The following GGN variants were observed in gnomAD, a reference collection of about 807,000 sequenced individuals.
GGN encodes gametogenetin.
In GGN, 27 loss-of-function variants were observed where a neutral mutation model predicts 35.5. That is an observed-to-expected ratio of 0.76 (90% CI 0.56 to 1.05). GGN has a LOEUF of 1.05. GGN is among the 50% of genes least tolerant of loss of function. GGN has a pLI of 0.00. For synonymous variants in GGN, 425 were observed against 444.1 expected (o/e 0.96, Z 0.54); for missense variants, 1,006 against 940.7 (o/e 1.07, Z -0.91).
Position 38,384,428 on chromosome 19 carries a change from G to T in GGN, c.1943C>A (p.Ala648Asp). ...CGACTACACTCAGTTGGAATGGGTG[G>T]CCTGCAAGTCGTAGTGCTCCAGCTT... ...VAKLEHYDLQ[A>D]THSN is the part of the protein sequence containing the mutation. The change falls in exon 4 of 4, where the codon GCC becomes GAC. Residue 648 changes from alanine to aspartate, a missense_variant. Physicochemically the swap from Ala to Asp is moderately radical, Grantham distance 126 (BLOSUM62 -2). Transcript: ENST00000334928. 6.2e-7 allele frequency: 1 copy of T among 1,613,356 alleles called. No individual in the cohort carries two copies. The highest frequency in any genetic ancestry group is 8.5e-7 in the Non-Finnish European group (1 of 1,179,378).
At position 38,386,032 on chromosome 19, in the gene GGN, C is replaced by G; in HGVS notation, c.1230G>C (p.Leu410=). ...APGPRRPAPA[L]LAPPTFIFPA... ...GGAAGATGAACGTAGGCGGCGCCAG[C>G]AGGGCAGGTGCGGGCCTCCGGGGCC... The change falls in exon 3 of 4, where the codon CTG becomes CTC. Residue 410 remains leucine, a synonymous_variant. Transcript: ENST00000334928. 3 of 1,604,138 alleles carry G rather than the reference C, an allele frequency of 1.9e-6. No individual in the cohort carries two copies. Among genetic ancestry groups the G allele is most frequent in the Non-Finnish European group, 2.6e-6 (3 of 1,175,748 alleles).
In GGN at chr19:38,385,500, C is replaced by G; in HGVS notation, c.1762G>C (p.Val588Leu). Residue 588 changes from valine (V) to leucine (L), a missense_variant, in exon 3 of 4, where the codon GTG (valine) becomes CTG (leucine). Val to Leu is a conservative substitution (Grantham distance 32). Coordinates refer to ENST00000334928, the MANE Select transcript of GGN (RefSeq NM_152657.4). ...CACTTGCAGGGACAGGAGTTAAGCA[C>G]CTGGAAGGGCAGCCAGTGGCGCGCA... ...RAARHWLPFQ[V>L]LNSCPCKCYC... 6.2e-7 allele frequency: 1 copy of G among 1,614,082 alleles called. No homozygotes were observed. The highest frequency in any genetic ancestry group is 8.5e-7 in the Non-Finnish European group (1 of 1,180,028).
Position 38,386,357 on chromosome 19 carries a change from A to G in GGN, c.905T>C (p.Leu302Ser), listed in dbSNP as rs1458975702. 1 of 1,612,746 alleles carries G rather than the reference A, an allele frequency of 6.2e-7. No individual in the cohort carries two copies. Among genetic ancestry groups the G allele is most frequent in the Non-Finnish European group, 8.5e-7 (1 of 1,179,796 alleles). ...CTGTGCCCCTCGAGAAACCTCTCCC[A>G]AGGGGCGAGCGGCTCCAGGAGGCAG... ...GPLPPGAARPLGEVSRGAQEA... is the reference protein window; with the variant it reads ...GPLPPGAARPSGEVSRGAQEA... The change falls in exon 3 of 4, where the codon TTG becomes TCG. Residue 302 changes from leucine to serine, a missense_variant. Coordinates refer to ENST00000334928, the MANE Select transcript of GGN (RefSeq NM_152657.4).
Position 38,387,388 on chromosome 19 carries a change from A to G in GGN, c.-19-108T>C. The G allele has an allele frequency of 7.0e-7, 1 of 1,434,540 alleles. No individual in the cohort carries two copies. Among genetic ancestry groups the G allele is most frequent in the South Asian group, 1.5e-5 (1 of 67,874 alleles). The allele number at this position is 1,434,540 out of a possible 1,614,324, so 88.9% of individuals were successfully genotyped here. On this transcript the variant is annotated intron_variant, in intron 2 of 3. Transcript: ENST00000334928. The surrounding 1 kb of genome is among the most constrained non-coding windows in gnomAD (Gnocchi z 5.3). ...GCACCGGCCCCGCCCCTGTTCTCCA[A>G]GATCCGATCAGGCCCAAGTCCTTAG...
rs115165442 is a variant in GGN at position 38,385,913 on chromosome 19, T to C, written c.1349A>G (p.Gln450Arg). The C allele has an allele frequency of 1.6e-4, 254 of 1,569,172 alleles. No homozygotes were observed. In the African/African-American group the frequency reaches 3.0e-3, roughly 18 times the overall value. The change falls in exon 3 of 4, where the codon CAG (glutamine) becomes CGG (arginine). Residue 450 changes from glutamine (Q) to arginine (R), a missense_variant. Coordinates refer to ENST00000334928, the MANE Select transcript of GGN (RefSeq NM_152657.4). ...LPPPTPPPTL[Q>R]PPALQPTPLP... Reference sequence around the variant, plus strand: ...CGGCGTTGGCTGGAGCGCTGGTGGCTGCAGTGTGGGCGGCGGTGTGGGCGG... The same window carrying C: ...CGGCGTTGGCTGGAGCGCTGGTGGCCGCAGTGTGGGCGGCGGTGTGGGCGG...
Position 38,387,026 on chromosome 19 carries a change from C to A in GGN, c.236G>T (p.Arg79Leu), listed in dbSNP as rs1238053991. 6.5e-6 allele frequency: 10 copies of A among 1,546,476 alleles called. No homozygotes were observed. Among genetic ancestry groups the A allele is most frequent in the Non-Finnish European group, 8.7e-6 (10 of 1,144,524 alleles). Residue 79 changes from arginine to leucine, a missense_variant, in exon 3 of 4, where the codon CGG (arginine) becomes CTG (leucine). By Grantham distance (102) the Arg-to-Leu change is moderately radical (BLOSUM62 -2). Coordinates refer to ENST00000334928, the MANE Select transcript of GGN (RefSeq NM_152657.4). This position sits in a 1 kb window ranked among gnomAD's most constrained non-coding sequence, Gnocchi z 5.3. ...SPSTLPLTLE[R>L]PSPVMPPPEE... is the part of the protein sequence containing the mutation. ...AGGAGGGGGCATCACTGGAGAGGGC[C>A]GTTCTAAGGTGAGGGGCAGGGTCGA...
Position 38,386,735 on chromosome 19 carries a change from G to C in GGN, c.527C>G (p.Pro176Arg), listed in dbSNP as rs187705316. ...PPLETWKPPP[P>R]LPSERQPADR... ...CGCCGGCTGCCGTTCAGAAGGTAATGGTGGTGGCGGCTTCCAAGTCTCCAG... is the reference window on the plus strand; with the variant it reads ...CGCCGGCTGCCGTTCAGAAGGTAATCGTGGTGGCGGCTTCCAAGTCTCCAG... Residue 176 changes from proline to arginine, a missense_variant, in exon 3 of 4, where the codon CCA becomes CGA. Coordinates refer to ENST00000334928, the MANE Select transcript of GGN (RefSeq NM_152657.4). 6.2e-7 allele frequency: 1 copy of C among 1,609,420 alleles called. No homozygotes were observed. The highest frequency in any genetic ancestry group is 2.2e-5 in the East Asian group (1 of 44,734).
In GGN at chr19:38,386,056, C is replaced by T; in HGVS notation, c.1206G>A (p.Gly402=). The change falls in exon 3 of 4, where the codon GGG becomes GGA. Residue 402 remains glycine (G), a synonymous_variant. Transcript: ENST00000334928. The part of the protein sequence containing the change: ...PPPEQIHSAP[G]PRRPAPALLA... ...GCAGGGCAGGTGCGGGCCTCCGGGG[C>T]CCGGGAGCTGAGTGTATCTGCTCTG... 6.3e-7 allele frequency: 1 copy of T among 1,593,362 alleles called. No homozygotes were observed. Among genetic ancestry groups the T allele is most frequent in the Non-Finnish European group, 8.5e-7 (1 of 1,171,004 alleles).
At chr19:38,388,165 C>T (rs1970766136), upstream of GGN, 1 of 197,666 alleles carries the variant, frequency 5.1e-6, no homozygotes, top group South Asian at 1.9e-4. Context: ...CTCTCATCTG[C>T]CCCGCCCCTA....
chr19:38,384,970 A>G (rs2145133845), intron 3 of GGN, among the ~76,000 whole-genome samples: 1 of 152,318 alleles, frequency 6.6e-6, no homozygotes, highest in East Asian at 1.9e-4. Context: ...TCAGGAGTCC[A>G]GGGCTGCCCC....
chr19:38,388,358 A>G, upstream of GGN: 1 of 387,240 alleles, frequency 2.6e-6, no homozygotes. Flanking sequence ...AACCCCACCC[A>G]CTTGTGAAGG....
In GGN at chr19:38,386,515, C is replaced by G; in HGVS notation, c.747G>C (p.Ser249=). ...LSLLCKITFK[S]RPSLAPPAAS... ...CTGCCGGAGGGGCCAAAGAGGGCCTCGACTTGAAGGTGATTTTACACAGCA... is the reference window on the plus strand; with the variant it reads ...CTGCCGGAGGGGCCAAAGAGGGCCTGGACTTGAAGGTGATTTTACACAGCA... Residue 249 remains serine (S), a synonymous_variant, in exon 3 of 4, where the codon TCG becomes TCC. Transcript: ENST00000334928. 1 of 1,613,022 alleles carries G rather than the reference C, an allele frequency of 6.2e-7. No homozygotes were observed. Among genetic ancestry groups the G allele is most frequent in the Non-Finnish European group, 8.5e-7 (1 of 1,179,984 alleles).
chr19:38,387,181 G>C lies in GGN; in HGVS notation c.81C>G (p.Arg27=). The change falls in exon 3 of 4, where the codon CGC becomes CGG. Residue 27 remains arginine, a synonymous_variant. Coordinates refer to ENST00000334928, the MANE Select transcript of GGN (RefSeq NM_152657.4). The surrounding 1 kb of genome is among the most constrained non-coding windows in gnomAD (Gnocchi z 5.3). ...TCTCGGGCTCCACCAGGGACGTCCG[G>C]CGGGAGTCGGGGGCGCGGTCCGAGG... ...VQPSDRAPDS[R]RTSLVEPEMT... is the part of the protein sequence containing the mutation. The C allele has an allele frequency of 3.1e-6, 5 of 1,590,276 alleles. No homozygotes were observed. Among genetic ancestry groups the C allele is most frequent in the Non-Finnish European group, 4.3e-6 (5 of 1,168,642 alleles).
chr19:38,386,720 C>T lies in GGN; in HGVS notation c.542G>A (p.Arg181Gln), dbSNP rs143524084. ...WKPPPPLPSE[R>Q]QPADRRITPA... is the part of the protein sequence containing the mutation. ...AGTGATTCTGCGGTCCGCCGGCTGC[C>T]GTTCAGAAGGTAATGGTGGTGGCGG... The change falls in exon 3 of 4, where the codon CGG becomes CAG. Residue 181 changes from arginine (R) to glutamine (Q), a missense_variant. Transcript: ENST00000334928. 715 of 1,607,226 alleles carry T rather than the reference C, an allele frequency of 4.4e-4. 7 individuals carry two copies. The African/African-American group carries it at 8.5e-3, about 19-fold the overall frequency.
In GGN at chr19:38,385,870, C is replaced by G; in HGVS notation, c.1392G>C (p.Pro464=). 6.5e-7 allele frequency: 1 copy of G among 1,545,954 alleles called. No individual in the cohort carries two copies. The highest frequency in any genetic ancestry group is 8.7e-7 in the Non-Finnish European group (1 of 1,148,668). ...CCTTGTGGCCCAGACCCGGGGTGAG[C>G]GGGGGAGCCACCGGCAGCGGCGTTG... ...LQPTPLPVAP[P]LTPGLGHKES... Residue 464 remains proline, a synonymous_variant, in exon 3 of 4, where the codon CCG becomes CCC. Coordinates refer to ENST00000334928, the MANE Select transcript of GGN (RefSeq NM_152657.4).
chr19:38,387,275 C>T lies in GGN; in HGVS notation c.-14G>A, dbSNP rs200547849. 1.4e-3 allele frequency: 2,162 copies of T among 1,569,930 alleles called. 4 individuals carry two copies. Among genetic ancestry groups the T allele is most frequent in the South Asian group, 1.8e-3 (156 of 86,280 alleles). Reference sequence around the variant, plus strand: ...CAAGTTCCCCATTTCTGACGGAGCTCGGAGACTAGTCAGAAAAATTTACTC... The same window carrying T: ...CAAGTTCCCCATTTCTGACGGAGCTTGGAGACTAGTCAGAAAAATTTACTC... On this transcript the variant is annotated 5_prime_UTR_variant, in exon 3 of 4. Coordinates refer to ENST00000334928, the MANE Select transcript of GGN (RefSeq NM_152657.4). This position sits in a 1 kb window ranked among gnomAD's most constrained non-coding sequence, Gnocchi z 5.3.
At chr19:38,388,230 A>G (rs1373714416), upstream of GGN, 3 of 334,620 alleles carry the variant, frequency 9.0e-6, no homozygotes, top group Non-Finnish European at 1.6e-5. Flanking sequence ...TCGCTTCTCA[A>G]GACCCTCTCC....
At position 38,385,465 on chromosome 19, in the gene GGN, G is replaced by A; in HGVS notation, c.1797C>T (p.His599=). The A allele has an allele frequency of 1.2e-6, 2 of 1,614,168 alleles. No homozygotes were observed. The highest frequency in any genetic ancestry group is 1.3e-5 in the African/African-American group (1 of 75,074). ...LNSCPCKCYC[H]HQPRHRRLPR... ...GCAGGCGGCGATGGCGTGGCTGGTG[G>A]TGGCAGTAACACTTGCAGGGACAGG... is the stretch of plus-strand genomic sequence containing the variant. Residue 599 remains histidine (H), a synonymous_variant, in exon 3 of 4, where the codon CAC becomes CAT. Coordinates refer to ENST00000334928, the MANE Select transcript of GGN (RefSeq NM_152657.4).
chr19:38,386,584 T>A lies in GGN; in HGVS notation c.678A>T (p.Glu226Asp), dbSNP rs1037315869. The change falls in exon 3 of 4, where the codon GAA (glutamate) becomes GAT (aspartate). Residue 226 changes from glutamate to aspartate, a missense_variant. Glu to Asp is a conservative substitution (Grantham distance 45). Coordinates refer to ENST00000334928, the MANE Select transcript of GGN (RefSeq NM_152657.4). ...AATCCGCAGGCTGGGCCATTTCGCCTTCGCCCGCATGGGGAGGCGCCCCTC... is the reference window on the plus strand; with the variant it reads ...AATCCGCAGGCTGGGCCATTTCGCCATCGCCCGCATGGGGAGGCGCCCCTC... ...ARGGAPPHAG[E>D]GEMAQPADSE... 1 of 1,613,446 alleles carries A rather than the reference T, an allele frequency of 6.2e-7. No individual in the cohort carries two copies. Among genetic ancestry groups the A allele is most frequent in the Non-Finnish European group, 8.5e-7 (1 of 1,179,828 alleles).
Sources: gnomAD v4.1 joint callset for allele counts (sites outside exome capture counted in the v4.1 genomes callset) on GRCh38, gnomAD v4.1.1 for gene constraint, Gnocchi (gnomAD v3.1) non-coding constraint, MANE v1.5 for transcripts, NCBI Gene and HGNC (gene_info 2026-07-23, HGNC 2026-07-21) for gene names.